Variants in TSPAN7 observed in about 807,000 individuals in gnomAD.
TSPAN7 encodes the protein tetraspanin-7.
In TSPAN7, 1 loss-of-function variant was observed where a neutral mutation model predicts 17.6. The ratio of observed to expected loss-of-function variants is 0.06; its 90% confidence interval spans 0.02 to 0.27. The LOEUF is 0.27. TSPAN7 is among the 10% of genes least tolerant of loss of function. TSPAN7 has a pLI of 1.00. For missense variants in TSPAN7, 112 were observed against 201.7 expected (o/e 0.56, Z 2.69); for synonymous variants, 78 against 79.0 (o/e 0.99, Z 0.07).
At chrX:38,630,830 C>G (rs1215066035) in intron 1 of TSPAN7, among the ~76,000 whole-genome samples, 3 of 111,754 alleles carry the variant, frequency 2.7e-5, no homozygotes, top group African/African-American at 9.8e-5. Context: ...AGAAATACCC[C>G]ATCTGTGATG....
chrX:38,645,575 T>TGACAGCAA (rs2069640034), intron 1 of TSPAN7, among the ~76,000 whole-genome samples: 2 of 110,437 alleles, frequency 1.8e-5, no homozygotes, highest in African/African-American at 6.6e-5. Context: ...AGAAAATGAA[T>TGACAGCAA]GACAGCAAAC....
chrX:38,561,738 C>T, intron 1 of TSPAN7, 111 bp downstream of exon 1: 2 of 672,003 alleles, frequency 3.0e-6, no homozygotes, highest in South Asian at 2.6e-5. Flanking sequence ...AAATCTGGGA[C>T]CCCTCTTTAA....
chrX:38,593,477 G>A (rs1215500949), intron 1 of TSPAN7, among the ~76,000 whole-genome samples: 2 of 111,400 alleles, frequency 1.8e-5, no homozygotes, highest in Non-Finnish European at 3.8e-5. Context: ...TGTAATAACT[G>A]TGCAAACACA....
chrX:38,636,764 C>G (rs2069582636), intron 1 of TSPAN7, among the ~76,000 whole-genome samples: 1 of 110,662 alleles, frequency 9.0e-6, no homozygotes, highest in Non-Finnish European at 1.9e-5. Context: ...CAACCTCCGC[C>G]TCCCGGGTTC....
intron 1 of TSPAN7, among the ~76,000 whole-genome samples, chrX:38,618,157 A>T (rs995358649): frequency 9.0e-6 from 1 of 111,606 alleles, no homozygotes; most frequent in Non-Finnish European, 1.9e-5. Flanking sequence ...ATTCTAAATA[A>T]TCAGGAGTAC....
At chrX:38,602,455 G>C (rs1244841505) in intron 1 of TSPAN7, among the ~76,000 whole-genome samples, 2 of 111,443 alleles carry the variant, frequency 1.8e-5, no homozygotes, top group African/African-American at 6.5e-5. Flanking sequence ...CAAAGGCATA[G>C]TATTCCTAAC....
At chrX:38,622,970 A>G (rs756207491) in intron 1 of TSPAN7, 21 of 330,067 alleles carry the variant, frequency 6.4e-5, no homozygotes, top group Non-Finnish European at 1.1e-4. Context: ...TATGGTATGG[A>G]AGATGGAACC....
At chrX:38,654,959 G>A (rs914322447) in intron 1 of TSPAN7, among the ~76,000 whole-genome samples, 1 of 111,997 alleles carries the variant, frequency 8.9e-6, no homozygotes, top group East Asian at 2.8e-4. Context: ...AGAAGGAAGA[G>A]CAAGTGTGAA....
At chrX:38,676,203 C>T (rs1462234322) in intron 5 of TSPAN7, among the ~76,000 whole-genome samples, 1 of 111,335 alleles carries the variant, frequency 9.0e-6, no homozygotes, top group Non-Finnish European at 1.9e-5. Flanking sequence ...AATATACCAT[C>T]TAAACATGAA....
chrX:38,664,814 T>TC (rs1443586716), intron 1 of TSPAN7, among the ~76,000 whole-genome samples: 2 of 111,486 alleles, frequency 1.8e-5, no homozygotes, highest in Non-Finnish European at 3.8e-5. Flanking sequence ...TACTGACCTC[T>TC]CCCCCCATAC....
intron 1 of TSPAN7, among the ~76,000 whole-genome samples, chrX:38,566,521 G>GT (rs899757775): frequency 9.0e-6 from 1 of 111,712 alleles, no homozygotes; most frequent in Admixed American, 9.5e-5. Context: ...CAATGGGAAA[G>GT]TTTTTTTAAA....
At chrX:38,643,870 A>G (rs1428392114) in intron 1 of TSPAN7, among the ~76,000 whole-genome samples, 1 of 111,108 alleles carries the variant, frequency 9.0e-6, no homozygotes, top group Non-Finnish European at 1.9e-5. Flanking sequence ...ATAATAAAAC[A>G]AAATAAAAAT....
intron 5 of TSPAN7, among the ~76,000 whole-genome samples, chrX:38,677,083 C>A (rs1473257472): frequency 9.0e-6 from 1 of 111,678 alleles, no homozygotes; most frequent in Non-Finnish European, 1.9e-5. Flanking sequence ...TTTCCCCCCA[C>A]TCAAGCTTCC....
intron 1 of TSPAN7, among the ~76,000 whole-genome samples, chrX:38,650,321 G>A (rs1429349350): frequency 8.9e-6 from 1 of 112,409 alleles, no homozygotes; most frequent in Non-Finnish European, 1.9e-5. Context: ...GGCAAAATGA[G>A]TTGAGAGAAT....
At chrX:38,604,225 G>C (rs1454290171) in intron 1 of TSPAN7, among the ~76,000 whole-genome samples, 1 of 102,992 alleles carries the variant, frequency 9.7e-6, no homozygotes, top group Non-Finnish European at 2.0e-5. Flanking sequence ...TGGCTGCATA[G>C]TATTCCATGG....
At chrX:38,565,911 C>T (rs1444600065) in intron 1 of TSPAN7, among the ~76,000 whole-genome samples, 1 of 111,482 alleles carries the variant, frequency 9.0e-6, no homozygotes. Flanking sequence ...GAGGATGATA[C>T]TGGCCTTTCG....
At chrX:38,670,117 GA>G (rs988105236) in intron 2 of TSPAN7, among the ~76,000 whole-genome samples, 8 of 110,402 alleles carry the variant, frequency 7.2e-5, no homozygotes, top group Non-Finnish European at 1.1e-4. Flanking sequence ...CACTAGATGA[GA>G]AAAAAAAATT....
intron 6 of TSPAN7, among the ~76,000 whole-genome samples, chrX:38,684,738 C>T (rs1602127652): frequency 9.0e-6 from 1 of 110,846 alleles, no homozygotes; most frequent in African/African-American, 3.3e-5. Flanking sequence ...GGATTAATTC[C>T]CCATATCACG....
chrX:38,575,388 C>T (rs2069188571), intron 1 of TSPAN7, among the ~76,000 whole-genome samples: 1 of 111,955 alleles, frequency 8.9e-6, no homozygotes. Flanking sequence ...AAAATTAATA[C>T]AACTCTAAAA....
Sources: allele counts gnomAD v4.1 joint callset (sites outside exome capture counted in the v4.1 genomes callset), GRCh38; gene constraint gnomAD v4.1.1; transcripts MANE v1.5; gene names NCBI Gene and HGNC (gene_info 2026-07-23, HGNC 2026-07-21).